The following ATP6V1C2 variants were observed in gnomAD, a reference collection of about 807,000 sequenced individuals.
The protein encoded by ATP6V1C2 is V-type proton ATPase subunit C 2.
Under a neutral mutation model 56.8 loss-of-function variants are expected in ATP6V1C2, and 45 were observed. That is an observed-to-expected ratio of 0.79 (90% confidence interval 0.62 to 1.02). The LOEUF is 1.02. ATP6V1C2 is among the 50% of genes least tolerant of loss of function. The pLI is 0.00. For synonymous variants in ATP6V1C2, 220 were observed against 201.3 expected (o/e 1.09, Z -0.79); for missense variants, 463 against 519.7 (o/e 0.89, Z 1.06).
At chr2:10,745,040 T>TA (rs1662816389) in intron 3 of ATP6V1C2, among the ~76,000 whole-genome samples, 1 of 99,886 alleles carries the variant, frequency 1.0e-5, no homozygotes, top group African/African-American at 4.0e-5. Flanking sequence ...TTATTTATTT[T>TA]CTTTTTTTTT....
At chr2:10,730,653 C>CT (rs34341407) in intron 3 of ATP6V1C2, among the ~76,000 whole-genome samples, 104 of 97,726 alleles carry the variant, frequency 1.1e-3, no homozygotes, top group South Asian at 1.6e-3. Context: ...AGGTGTAAAC[C>CT]TTTTTTTTTT....
upstream of ATP6V1C2, chr2:10,721,612 G>GGCGGGGC (rs1179676820): frequency 1.3e-5 from 2 of 151,734 alleles, no homozygotes; most frequent in Non-Finnish European, 2.9e-5. Context: ...TAAAAGGCGG[G>GGCGGGGC]GCGGGGCGCG....
chr2:10,753,093 GC>G (rs1663313745), intron 3 of ATP6V1C2, among the ~76,000 whole-genome samples: 1 of 152,186 alleles, frequency 6.6e-6, no homozygotes. Flanking sequence ...GCCTTCAAAT[GC>G]TGTACTTTCT....
At chr2:10,772,251 G>A (rs1284821075) in intron 7 of ATP6V1C2, among the ~76,000 whole-genome samples, 1 of 152,214 alleles carries the variant, frequency 6.6e-6, no homozygotes, top group African/African-American at 2.4e-5. Context: ...TGAGGCTGGA[G>A]AGGTCGGTTA....
At chr2:10,783,119 A>G (rs758589137) in intron 13 of ATP6V1C2, 55 bp from the exon 14 acceptor site, 29 of 1,424,118 alleles carry the variant, frequency 2.0e-5, no homozygotes, top group African/African-American at 2.8e-5. Flanking sequence ...AACTAAAAGG[A>G]TAAGACAGGA....
chr2:10,748,528 T>C (rs1208277655), intron 3 of ATP6V1C2, among the ~76,000 whole-genome samples: 1 of 152,196 alleles, frequency 6.6e-6, no homozygotes, highest in Non-Finnish European at 1.5e-5. Context: ...CATCCATCAG[T>C]GTAACCAACA....
rs185438567 is a variant in ATP6V1C2, at chr2:10,735,598, T to C, written c.197+9029T>C. ...AAATCTCCTGGTCTTTTTTTTTTTT[T>C]TCTCTCTTTTTTTGAGAAAGGATCT... is the stretch of plus-strand genomic sequence containing the variant. On this transcript the variant is annotated intron_variant, in intron 3 of 13. Transcript: ENST00000272238. 2.3e-3 allele frequency among the ~76,000 whole-genome samples: 345 copies of C among 152,028 alleles called. 1 individual carries two copies. Among genetic ancestry groups the C allele is most frequent in the African/African-American group, 6.8e-3 (283 of 41,408 alleles).
At chr2:10,741,078 C>CT (rs1222088247) in intron 3 of ATP6V1C2, among the ~76,000 whole-genome samples, 2 of 152,220 alleles carry the variant, frequency 1.3e-5, no homozygotes, top group African/African-American at 4.8e-5. Context: ...GAATTCCGTT[C>CT]TTAGTGACAA....
At chr2:10,731,186 C>T (rs1661932954) in intron 3 of ATP6V1C2, among the ~76,000 whole-genome samples, 1 of 148,870 alleles carries the variant, frequency 6.7e-6, no homozygotes, top group South Asian at 2.1e-4. Context: ...TGGGCTCTAG[C>T]AATCCTCCCA....
chr2:10,727,009 C>G (rs183038397), intron 3 of ATP6V1C2, among the ~76,000 whole-genome samples: 8 of 151,924 alleles, frequency 5.3e-5, no homozygotes, highest in African/African-American at 1.9e-4. Flanking sequence ...CCCAGGAGTT[C>G]AACACCAGCC....
In ATP6V1C2 at chr2:10,744,669, CT is replaced by C. The variant is rs772851204; in HGVS notation, c.198-9294del. 6.6e-3 allele frequency among the ~76,000 whole-genome samples: 824 copies of C among 125,520 alleles called. 6 individuals are homozygous for C. The highest frequency in any genetic ancestry group is 0.019 in the African/African-American group (649 of 33,480). 82.3% of individuals were successfully genotyped at this position (125,520 alleles called of 152,430 possible). ...TTGATGGGTTTTTTTTTCTCTTTTT[CT>C]TTTTTTTTTTTTTTTTTGAGACAGA... is the stretch of plus-strand genomic sequence containing the variant. On this transcript the variant is annotated intron_variant, in intron 3 of 13. Coordinates refer to ENST00000272238, the MANE Select transcript of ATP6V1C2 (RefSeq NM_001039362.2).
intron 8 of ATP6V1C2, among the ~76,000 whole-genome samples, chr2:10,774,385 T>C (rs1057484982): frequency 6.6e-6 from 1 of 152,238 alleles, no homozygotes; most frequent in Non-Finnish European, 1.5e-5. Flanking sequence ...ATTAGGACTT[T>C]GTGATATTGG....
intron 3 of ATP6V1C2, among the ~76,000 whole-genome samples, chr2:10,739,385 C>T (rs946783921): frequency 1.3e-5 from 2 of 152,130 alleles, no homozygotes; most frequent in African/African-American, 2.4e-5. Context: ...TTCTTACTTG[C>T]GACCCTCACT....
chr2:10,767,159 C>CTTTTTTTTTTTTTT (rs33943682), intron 5 of ATP6V1C2, among the ~76,000 whole-genome samples: 7 of 109,328 alleles, frequency 6.4e-5, no homozygotes, highest in Non-Finnish European at 8.6e-5. Flanking sequence ...CATTTTTTAT[C>CTTTTTTTTTTTTTT]TTTTTTTTTT....
rs200969862 is a variant in ATP6V1C2 at position 10,775,046 on chromosome 2, T to C, written c.800T>C (p.Leu267Ser). 6.2e-7 allele frequency: 1 copy of C among 1,614,002 alleles called. No homozygotes were observed. The highest frequency in any genetic ancestry group is 1.7e-5 in the Admixed American group (1 of 60,028). ...AGGGAAAGGGAGGAGATGGCCAGAT[T>C]GCTGTCTGATAAGAAGCAACAGTAT... Reference protein sequence around the residue: ...IEREREEMARLLSDKKQQYQT... With the variant: ...IEREREEMARSLSDKKQQYQT... Residue 267 changes from leucine to serine, a missense_variant, in exon 10 of 14, where the codon TTG becomes TCG. By Grantham distance (145) the Leu-to-Ser change is moderately radical. Coordinates refer to ENST00000272238, the MANE Select transcript of ATP6V1C2 (RefSeq NM_001039362.2).
At chr2:10,744,632 T>A (rs1662766810) in intron 3 of ATP6V1C2, among the ~76,000 whole-genome samples, 1 of 152,060 alleles carries the variant, frequency 6.6e-6, no homozygotes, top group East Asian at 1.9e-4. Flanking sequence ...GTTACAATAA[T>A]TGTCCCCATG....
chr2:10,740,642 A>G (rs954307055), intron 3 of ATP6V1C2, among the ~76,000 whole-genome samples: 1 of 152,142 alleles, frequency 6.6e-6, no homozygotes, highest in African/African-American at 2.4e-5. Context: ...CTTCTCTGGG[A>G]GCTGAGTTCA....
intron 5 of ATP6V1C2, among the ~76,000 whole-genome samples, chr2:10,765,557 G>T (rs190260113): frequency 1.3e-5 from 2 of 152,238 alleles, no homozygotes; most frequent in South Asian, 2.1e-4. Flanking sequence ...GGAAAGTAGG[G>T]TGGGGCCAGA....
At chr2:10,751,822 G>C (rs1218251441) in intron 3 of ATP6V1C2, among the ~76,000 whole-genome samples, 2 of 152,142 alleles carry the variant, frequency 1.3e-5, no homozygotes, top group Non-Finnish European at 2.9e-5. Context: ...CCTTAACTCT[G>C]TCTGGCTGGG....
Sources: gnomAD v4.1 joint callset for allele counts (sites outside exome capture counted in the v4.1 genomes callset) on GRCh38, gnomAD v4.1.1 for gene constraint, MANE v1.5 for transcripts, NCBI Gene and HGNC (gene_info 2026-07-23, HGNC 2026-07-21) for gene names.